TDRD1: variants seen among roughly 807,000 people sequenced by gnomAD.
TDRD1 encodes the protein tudor domain-containing protein 1.
In TDRD1, 37 loss-of-function variants were observed where a neutral mutation model predicts 140.6. That is an observed-to-expected ratio of 0.26 (90% confidence interval 0.20 to 0.35). The LOEUF (loss-of-function observed/expected upper bound fraction) is 0.35. Among genes scored for constraint, TDRD1 ranks in the 10% least tolerant of loss-of-function variants. TDRD1 has a pLI of 1.00. For synonymous variants in TDRD1, 506 were observed against 475.7 expected (o/e 1.06, Z -0.83); for missense variants, 1,243 against 1,393.0 (o/e 0.89, Z 1.71).
At chr10:114,202,857 C>A (rs897567928) in intron 6 of TDRD1, among the ~76,000 whole-genome samples, 2 of 152,206 alleles carry the variant, frequency 1.3e-5, no homozygotes, top group Non-Finnish European at 2.9e-5. Context: ...TCTCTTCACC[C>A]ACGTGGCCTT....
rs776751692 is a variant in TDRD1 at position 114,187,819 on chromosome 10, T to C, written c.-6-7T>C. ...AAGTTGTCTCTTAAATACATTTCTC[T>C]CCTTAGGCCTCGATGAGTGTTAAAT... On this transcript the variant is annotated splice_polypyrimidine_tract_variant and splice_region_variant and intron_variant, in intron 1 of 25. Coordinates refer to ENST00000251864, the Ensembl canonical transcript of TDRD1. The C allele has an allele frequency of 1.3e-6, 2 of 1,540,678 alleles. No homozygotes were observed. Among genetic ancestry groups the C allele is most frequent in the South Asian group, 2.5e-5 (2 of 78,624 alleles).
chr10:114,224,579 T>A (rs931121347), intron 21 of TDRD1, among the ~76,000 whole-genome samples: 1 of 152,246 alleles, frequency 6.6e-6, no homozygotes, highest in Non-Finnish European at 1.5e-5. Flanking sequence ...CTTCTCTCTT[T>A]CATCTTTTTT....
At chr10:114,200,488 T>C (rs1297871534) in intron 4 of TDRD1, among the ~76,000 whole-genome samples, 1 of 152,152 alleles carries the variant, frequency 6.6e-6, no homozygotes, top group African/African-American at 2.4e-5. Flanking sequence ...GGTGTGATTC[T>C]CATTGTTTAT....
At chr10:114,203,796 T>C (rs1358178916) in intron 8 of TDRD1, among the ~76,000 whole-genome samples, 1 of 152,210 alleles carries the variant, frequency 6.6e-6, no homozygotes, top group East Asian at 1.9e-4. Flanking sequence ...TGATGGCTAG[T>C]CTTAGAGCTT....
chr10:114,183,188 C>T (rs2033232578), intron 1 of TDRD1, among the ~76,000 whole-genome samples: 1 of 152,080 alleles, frequency 6.6e-6, no homozygotes, highest in South Asian at 2.1e-4. Context: ...TGACAGCCAG[C>T]ATGAGTTACT....
intron 3 of TDRD1, among the ~76,000 whole-genome samples, chr10:114,197,077 C>T (rs547238040): frequency 6.6e-6 from 1 of 152,008 alleles, no homozygotes; most frequent in South Asian, 2.1e-4. Flanking sequence ...GAACTCCTGA[C>T]CTCAGGTGAT....
Position 114,220,849 on chromosome 10 carries a change from A to C in TDRD1, c.2770+6A>C. 1 of 1,588,840 alleles carries C rather than the reference A, an allele frequency of 6.3e-7. No individual in the cohort carries two copies. Among genetic ancestry groups the C allele is most frequent in the Non-Finnish European group, 8.6e-7 (1 of 1,163,414 alleles). ...TCATGTACAGGGACTTCAAGGTAAC[A>C]TTTTAAAACCATTTATTTGTTTAAA... On this transcript the variant is annotated splice_donor_region_variant and intron_variant, in intron 19 of 25. Transcript: ENST00000251864.
exon 26 of TDRD1, chr10:114,231,518 G>C: frequency 6.3e-7 from 1 of 1,595,994 alleles, no homozygotes; most frequent in South Asian, 1.2e-5. Context: ...ACCCTTATGA[G>C]ACAGGAAACA....
chr10:114,192,871 A>G (rs111530890), intron 3 of TDRD1, among the ~76,000 whole-genome samples: 1 of 152,184 alleles, frequency 6.6e-6, no homozygotes, highest in Non-Finnish European at 1.5e-5. Flanking sequence ...TGAAATTGGG[A>G]AAAGTGATTC....
At chr10:114,215,350 C>A (rs1253677857) in intron 16 of TDRD1, among the ~76,000 whole-genome samples, 2 of 152,078 alleles carry the variant, frequency 1.3e-5, no homozygotes. Flanking sequence ...ATTAGTGTTG[C>A]TGTGAACATT....
chr10:114,180,856 T>G (rs2032995991), intron 1 of TDRD1, among the ~76,000 whole-genome samples: 1 of 152,082 alleles, frequency 6.6e-6, no homozygotes, highest in Non-Finnish European at 1.5e-5. Flanking sequence ...AGGAAAAAAA[T>G]GACAGCTGAG....
chr10:114,179,182 T>A (rs541265391), upstream of TDRD1: 1 of 152,356 alleles, frequency 6.6e-6, no homozygotes, highest in East Asian at 1.9e-4. Flanking sequence ...TTTGAGCCTG[T>A]AACTAGAGCA....
intron 3 of TDRD1, among the ~76,000 whole-genome samples, chr10:114,192,314 TTTTTTTTG>T: frequency 7.2e-6 from 1 of 138,428 alleles, no homozygotes; most frequent in South Asian, 2.4e-4. Flanking sequence ...TTTTTTTTTT[TTTTTTTTG>T]AGACGGAGTC....
At chr10:114,231,461 A>G in intron 25 of TDRD1, 1 of 1,583,182 alleles carries the variant, frequency 6.3e-7, no homozygotes, top group African/African-American at 1.4e-5. Context: ...AGGCATAATG[A>G]TAGTTGATTT....
At chr10:114,189,798 A>G (rs1014628581) in intron 2 of TDRD1, among the ~76,000 whole-genome samples, 2 of 152,238 alleles carry the variant, frequency 1.3e-5, no homozygotes, top group African/African-American at 2.4e-5. Flanking sequence ...AAATGTGTCA[A>G]CAATTGGAAA....
At position 114,213,337 on chromosome 10, in the gene TDRD1, C is replaced by A. The variant is rs1328467796; in HGVS notation, c.1832-9C>A. On this transcript the variant is annotated splice_polypyrimidine_tract_variant and intron_variant, in intron 14 of 25. Coordinates refer to ENST00000251864, the Ensembl canonical transcript of TDRD1. The stretch of plus-strand genomic sequence containing the variant: ...ATAATTGTAACATTCATTCAAAATT[C>A]TTTGTTAGGAGTAAAGCCATCATTA... The A allele has an allele frequency of 3.1e-6, 5 of 1,597,210 alleles. No individual in the cohort carries two copies. In the East Asian group the frequency reaches 9.0e-5, roughly 29 times the overall value.
intron 21 of TDRD1, among the ~76,000 whole-genome samples, chr10:114,223,032 A>G (rs933661340): frequency 1.3e-5 from 2 of 152,220 alleles, no homozygotes; most frequent in African/African-American, 4.8e-5. Context: ...AGGGTTCCAT[A>G]TGTGAATGTA....
At chr10:114,177,591 A>C (rs544035562), upstream of TDRD1, among the ~76,000 whole-genome samples, 84 of 152,326 alleles carry the variant, frequency 5.5e-4, no homozygotes, top group African/African-American at 1.9e-3. Context: ...AGAAGAGCCT[A>C]AGGATCCATG....
intron 25 of TDRD1, among the ~76,000 whole-genome samples, chr10:114,230,612 C>T (rs1413140867): frequency 6.6e-6 from 1 of 152,104 alleles, no homozygotes; most frequent in Non-Finnish European, 1.5e-5. Flanking sequence ...TGTACAGTAT[C>T]CTTTTAGATC....
Sources: gnomAD v4.1 joint callset for allele counts (sites outside exome capture counted in the v4.1 genomes callset) on GRCh38, gnomAD v4.1.1 for gene constraint, MANE v1.5 for transcripts, NCBI Gene and HGNC (gene_info 2026-07-23, HGNC 2026-07-21) for gene names.